Variants in ANKRD13A observed in about 807,000 individuals in gnomAD.
ANKRD13A encodes the protein ankyrin repeat domain-containing protein 13A.
Under a neutral mutation model 81.3 loss-of-function variants are expected in ANKRD13A, and 48 were observed. The observed-to-expected ratio is 0.59, with a 90% CI of 0.47 to 0.75. The LOEUF is 0.75. Among genes scored for constraint, ANKRD13A ranks in the 30% least tolerant of loss-of-function variants. The probability of loss-of-function intolerance (pLI) is 0.00; values close to 1 mark genes in which losing one functional copy is unlikely to be tolerated. For synonymous variants in ANKRD13A, 230 were observed against 270.1 expected (o/e 0.85, Z 1.45); for missense variants, 612 against 734.0 (o/e 0.83, Z 1.92).
intron 3 of ANKRD13A, among the ~76,000 whole-genome samples, chr12:110,015,932 G>A (rs2137116614): frequency 6.6e-6 from 1 of 151,164 alleles, no homozygotes; most frequent in Middle Eastern, 3.5e-3. Flanking sequence ...TAAGTAATGG[G>A]CTTACACTTG....
chr12:110,029,408 T>C (rs564377050), intron 10 of ANKRD13A, 70 bp from the exon 11 acceptor site: 9 of 1,542,812 alleles, frequency 5.8e-6, no homozygotes, highest in African/African-American at 2.7e-5. Flanking sequence ...TCTAGCCTAC[T>C]GCATAGCAAT....
In ANKRD13A at chr12:110,012,136, A is replaced by G. The variant is rs775817676; in HGVS notation, c.228A>G (p.Thr76=). ...DVTKENRQGW[T]VLHEAVSTGD... is the part of the protein sequence containing the mutation. Reference sequence around the variant, plus strand: ...CAAAAGAAAATCGCCAGGGATGGACAGGTAAGTATACTTTTACAATAATTT... The same window carrying G: ...CAAAAGAAAATCGCCAGGGATGGACGGGTAAGTATACTTTTACAATAATTT... Residue 76 remains threonine, a splice_region_variant and synonymous_variant, in exon 2 of 15, where the codon ACA becomes ACG. Coordinates refer to ENST00000261739, the MANE Select transcript of ANKRD13A (RefSeq NM_033121.2). The G allele has an allele frequency of 2.5e-6, 4 of 1,602,746 alleles. No homozygotes were observed. The Admixed American group carries it at 5.0e-5, about 20-fold the overall frequency.
chr12:110,022,974 A>C (rs1297569951), intron 6 of ANKRD13A, among the ~76,000 whole-genome samples: 1 of 152,220 alleles, frequency 6.6e-6, no homozygotes, highest in Non-Finnish European at 1.5e-5. Flanking sequence ...AACTCATTAT[A>C]CCATCTGGAC....
At chr12:110,020,646 T>C (rs1426510826) in intron 6 of ANKRD13A, among the ~76,000 whole-genome samples, 3 of 152,316 alleles carry the variant, frequency 2.0e-5, no homozygotes, top group Middle Eastern at 3.4e-3. Flanking sequence ...GAAAGACATT[T>C]CCAGGCTTCC....
intron 1 of ANKRD13A, among the ~76,000 whole-genome samples, chr12:110,008,620 C>G (rs1434528444): frequency 6.6e-6 from 1 of 152,130 alleles, no homozygotes; most frequent in Non-Finnish European, 1.5e-5. Flanking sequence ...CATGGTGGCT[C>G]GTGCCTGTAA....
Position 110,018,628 on chromosome 12 carries a change from A to T in ANKRD13A, c.544+140A>T, listed in dbSNP as rs1365500449. 5.9e-6 allele frequency: 6 copies of T among 1,016,980 alleles called. No homozygotes were observed. 63.0% of individuals were successfully genotyped at this position (1,016,980 alleles called of 1,614,324 possible). ...GTTTTTTTGGTTATTCTTATTAATT[A>T]TTCAGCTCTCCATCCCTGTCTTCGT... On this transcript the variant is annotated intron_variant, in intron 5 of 14. Coordinates refer to ENST00000261739, the MANE Select transcript of ANKRD13A (RefSeq NM_033121.2). This position sits in a 1 kb window ranked among gnomAD's most constrained non-coding sequence, Gnocchi z 4.4.
rs113022189 is a variant in ANKRD13A, at chr12:110,011,487, G to A, written c.97-518G>A. Among the ~76,000 whole-genome samples, 344 of 152,328 alleles carry A rather than the reference G, an allele frequency of 2.3e-3. 1 individual carries two copies. The highest frequency in any genetic ancestry group is 7.8e-3 in the African/African-American group (323 of 41,566). ...GAGTTTATGTGCTACTTCAAGGCAC[G>A]TGGAACTCAATACACAATAATGAGA... On this transcript the variant is annotated intron_variant, in intron 1 of 14. Coordinates refer to ENST00000261739, the MANE Select transcript of ANKRD13A (RefSeq NM_033121.2).
At chr12:110,034,441 C>T (rs1373002753) in intron 13 of ANKRD13A, among the ~76,000 whole-genome samples, 6 of 151,782 alleles carry the variant, frequency 4.0e-5, no homozygotes, top group Non-Finnish European at 8.8e-5. Context: ...AAGCAGTAGG[C>T]TTTGTGTGTG....
Position 110,016,430 on chromosome 12 carries a change from TG to T in ANKRD13A, c.400+1del. The T allele has an allele frequency of 6.3e-7, 1 of 1,593,518 alleles. No individual in the cohort carries two copies. The highest frequency in any genetic ancestry group is 1.1e-5 in the South Asian group (1 of 88,790). ...GCAGATGAAATGGGAATTCACCAGCTGGGGTGAGTGGCTGTGGGCTCGTTAT... is the reference window on the plus strand; with the variant it reads ...GCAGATGAAATGGGAATTCACCAGCTGGGTGAGTGGCTGTGGGCTCGTTAT... ...YVQMKWEFTS[W>X]VPLVSRICPN... On this transcript the variant is annotated frameshift_variant and splice_region_variant, in exon 4 of 15. Transcript: ENST00000261739. LOFTEE classifies it high-confidence loss of function.
intron 12 of ANKRD13A, 70 bp from the exon 13 acceptor site, chr12:110,033,727 A>G: frequency 7.1e-7 from 1 of 1,415,704 alleles, no homozygotes; most frequent in Non-Finnish European, 9.4e-7. Flanking sequence ...TCTAATGTAC[A>G]ACATTTTTGC....
chr12:110,000,158 G>T (rs1889878260), intron 1 of ANKRD13A, among the ~76,000 whole-genome samples: 1 of 152,202 alleles, frequency 6.6e-6, no homozygotes, highest in South Asian at 2.1e-4. Flanking sequence ...ACCATTTTTA[G>T]GTTCTGCTGC....
chr12:110,009,434 C>CT (rs1206662119), intron 1 of ANKRD13A, among the ~76,000 whole-genome samples: 2 of 152,170 alleles, frequency 1.3e-5, no homozygotes, highest in Non-Finnish European at 2.9e-5. Flanking sequence ...AATATTCCAT[C>CT]TTTAATTCCT....
chr12:110,012,515 G>A (rs139608370), intron 2 of ANKRD13A, among the ~76,000 whole-genome samples: 52 of 152,270 alleles, frequency 3.4e-4, no homozygotes, highest in Middle Eastern at 6.8e-3. Context: ...TGCAGGTTGC[G>A]TCCCAGGCCA....
intron 1 of ANKRD13A, among the ~76,000 whole-genome samples, chr12:110,005,146 C>CT (rs1354944075): frequency 6.6e-6 from 1 of 151,726 alleles, no homozygotes; most frequent in Admixed American, 6.6e-5. Flanking sequence ...CTTTTTCTTT[C>CT]TTTTTTGTTT....
intron 11 of ANKRD13A, among the ~76,000 whole-genome samples, chr12:110,030,212 G>A (rs974774752): frequency 3.3e-5 from 5 of 151,706 alleles, no homozygotes; most frequent in African/African-American, 9.7e-5. Flanking sequence ...TGTTGCCCAG[G>A]CTGGAATGAA....
Position 110,037,437 on chromosome 12 carries a change from T to A in ANKRD13A, c.1656T>A (p.Asn552Lys). The change falls in exon 15 of 15, where the codon AAT (asparagine) becomes AAA (lysine). Residue 552 changes from asparagine (N) to lysine (K), a missense_variant. Asn to Lys is a moderately conservative substitution (Grantham distance 94). Transcript: ENST00000261739. ...TGAGCGAGACAAGCCGTTTTGATAATGACTTGCAGCTAGCCATGGAGCTCT... is the reference window on the plus strand; with the variant it reads ...TGAGCGAGACAAGCCGTTTTGATAAAGACTTGCAGCTAGCCATGGAGCTCT... ...SALSETSRFD[N>K]DLQLAMELSA... is the part of the protein sequence containing the mutation. 1.2e-6 allele frequency: 2 copies of A among 1,614,202 alleles called. No homozygotes were observed. Among genetic ancestry groups the A allele is most frequent in the Non-Finnish European group, 1.7e-6 (2 of 1,180,028 alleles).
chr12:110,027,751 A>C lies in ANKRD13A; in HGVS notation c.930A>C (p.Gln310His), dbSNP rs144326895. The C allele has an allele frequency of 6.2e-7, 1 of 1,614,166 alleles. No homozygotes were observed. Among genetic ancestry groups the C allele is most frequent in the South Asian group, 1.1e-5 (1 of 91,082 alleles). The change falls in exon 9 of 15, where the codon CAA becomes CAC. Residue 310 changes from glutamine to histidine, a missense_variant. Gln to His is a conservative substitution (Grantham distance 24, BLOSUM62 0). Coordinates refer to ENST00000261739, the MANE Select transcript of ANKRD13A (RefSeq NM_033121.2). Reference protein sequence around the residue: ...LESLLGTVEHQFGAQGDLTTE... With the variant: ...LESLLGTVEHHFGAQGDLTTE... ...CTTTGCTGGGAACTGTGGAACACCA[A>C]TTTGGTGCACAAGGGGTAAGTTGAA...
rs534766749 is a variant in ANKRD13A, at chr12:110,030,760, T to TA, written c.1348+9dup. On this transcript the variant is annotated splice_region_variant and intron_variant, in intron 12 of 14. Coordinates refer to ENST00000261739, the MANE Select transcript of ANKRD13A (RefSeq NM_033121.2). ...TGGAAGGGACCCAGGCTGATTCAGG[T>TA]AAAAAAATAAATAAATACAAAGTTT... 114 of 1,553,918 alleles carry TA rather than the reference T, an allele frequency of 7.3e-5. 2 individuals carry two copies. The Admixed American group carries it at 1.5e-3, about 20-fold the overall frequency.
chr12:110,021,425 C>CTTTTTTTTTTTTTTTTTTTTTTTT (rs59262099), intron 6 of ANKRD13A: 5 of 129,928 alleles, frequency 3.8e-5, no homozygotes, highest in Non-Finnish European at 4.7e-5. Context: ...TTTTTTCTTT[C>CTTTTTTTTTTTTTTTTTTTTTTTT]TTTTTTTTTT....
Sources: allele counts gnomAD v4.1 joint callset (sites outside exome capture counted in the v4.1 genomes callset), GRCh38; gene constraint gnomAD v4.1.1; non-coding constraint Gnocchi (gnomAD v3.1); transcripts MANE v1.5; gene names NCBI Gene and HGNC (gene_info 2026-07-23, HGNC 2026-07-21).